Variants in CSMD1 observed in about 807,000 individuals in gnomAD.
The protein encoded by CSMD1 is CUB and sushi domain-containing protein 1.
Under a neutral mutation model 417.5 loss-of-function variants are expected in CSMD1, and 213 were observed. The observed-to-expected ratio is 0.51, with a 90% CI of 0.46 to 0.57. CSMD1 has a LOEUF of 0.57. CSMD1 is among the 20% of genes least tolerant of loss of function. The probability of loss-of-function intolerance (pLI) is 0.00; values close to 1 mark genes in which losing one functional copy is unlikely to be tolerated. For missense variants in CSMD1, 6,923 were observed against 4,529.7 expected (o/e 1.53, Z -15.17); for synonymous variants, 2,862 against 1,736.8 (o/e 1.65, Z -16.11).
intron 10 of CSMD1, among the ~76,000 whole-genome samples, chr8:3,548,733 G>A (rs77466467): frequency 0.013 from 1,939 of 149,992 alleles, 18 homozygotes; most frequent in East Asian, 0.063. Context: ...TTGATTGATA[G>A]GAATTTGGGT....
intron 5 of CSMD1, among the ~76,000 whole-genome samples, chr8:3,863,852 T>G (rs1411637052): frequency 6.6e-6 from 1 of 152,188 alleles, no homozygotes; most frequent in East Asian, 1.9e-4. Flanking sequence ...AGAGTTTAAT[T>G]TCTTCCACTT....
chr8:4,637,399 T>C lies in CSMD1; in HGVS notation c.245A>G (p.Asp82Gly), dbSNP rs748681951. Residue 82 changes from aspartate to glycine, a missense_variant, in exon 2 of 70, where the codon GAT becomes GGT. By Grantham distance (94) the Asp-to-Gly change is moderately conservative (BLOSUM62 -1). Coordinates refer to ENST00000635120, the MANE Select transcript of CSMD1 (RefSeq NM_033225.6). ...ATCGTAAACTGATAAAATATCAAAA[T>C]CTTCTTCAAGAGCAAAGGTATGGAA... ...LSFHTFALEE[D>G]FDILSVYDGQ... 8 of 1,613,920 alleles carry C rather than the reference T, an allele frequency of 5.0e-6. No individual in the cohort carries two copies. The highest frequency in any genetic ancestry group is 1.7e-5 in the Admixed American group (1 of 60,016).
At chr8:4,137,492 A>C (rs1248174809) in intron 3 of CSMD1, among the ~76,000 whole-genome samples, 1 of 132,060 alleles carries the variant, frequency 7.6e-6, no homozygotes, top group Non-Finnish European at 1.8e-5. Context: ...AGAATATAAC[A>C]TTGTTTTTCC....
intron 1 of CSMD1, among the ~76,000 whole-genome samples, chr8:4,984,219 C>G (rs1381150904): frequency 6.6e-6 from 1 of 152,166 alleles, no homozygotes; most frequent in Non-Finnish European, 1.5e-5. Context: ...CATCACAGGA[C>G]TTGAAGGGAA....
At chr8:4,873,634 T>A (rs1460171898) in intron 1 of CSMD1, among the ~76,000 whole-genome samples, 1 of 152,160 alleles carries the variant, frequency 6.6e-6, no homozygotes, top group Non-Finnish European at 1.5e-5. Flanking sequence ...TCAATGTTCA[T>A]TCCTCCATTC....
rs143322405 is a variant in CSMD1, at chr8:3,910,214, G to A, written c.818+87689C>T. 3.6e-4 allele frequency among the ~76,000 whole-genome samples: 55 copies of A among 152,258 alleles called. No individual in the cohort carries two copies. The East Asian group carries it at 9.1e-3, about 25-fold the overall frequency. ...ATAATGCACGGAAAACAATGTTCAT[G>A]CAGTTCAGTGAATTGTGGGGTGGGG... On this transcript the variant is annotated intron_variant, in intron 5 of 69. Transcript: ENST00000635120.
intron 8 of CSMD1, among the ~76,000 whole-genome samples, chr8:3,614,066 G>GTA (rs1244960135): frequency 3.9e-5 from 6 of 152,074 alleles, no homozygotes; most frequent in Non-Finnish European, 8.8e-5. Flanking sequence ...TCTCTGTTAT[G>GTA]TATATATTCG....
chr8:3,684,806 G>A (rs939238921), intron 7 of CSMD1, among the ~76,000 whole-genome samples: 11 of 151,976 alleles, frequency 7.2e-5, no homozygotes, highest in African/African-American at 2.7e-4. Flanking sequence ...CATTCTCCTT[G>A]CTATAGATCA....
chr8:2,956,664 G>A (rs1490729025), intron 63 of CSMD1, among the ~76,000 whole-genome samples: 1 of 151,806 alleles, frequency 6.6e-6, no homozygotes, highest in Non-Finnish European at 1.5e-5. Context: ...CACCATGTTA[G>A]CCAGGATGGT....
intron 6 of CSMD1, among the ~76,000 whole-genome samples, chr8:3,722,012 A>G (rs1802206213): frequency 6.6e-6 from 1 of 152,124 alleles, no homozygotes; most frequent in African/African-American, 2.4e-5. Flanking sequence ...ACATGGGTGG[A>G]GTTGGCACAG....
rs567139192 is a variant in CSMD1, at chr8:3,617,254, T to C, written c.1010-457A>G. ...AATAACATTATGTATATTTTAAACA[T>C]TGAAGTGCTTATCATTGAACTAAAA... On this transcript the variant is annotated intron_variant, in intron 7 of 69. Transcript: ENST00000635120. Among the ~76,000 whole-genome samples, 422 of 152,322 alleles carry C rather than the reference T, an allele frequency of 2.8e-3. 1 individual carries two copies. The highest frequency in any genetic ancestry group is 5.0e-3 in the Non-Finnish European group (340 of 68,022).
intron 20 of CSMD1, 33 bp from the exon 21 acceptor site, chr8:3,359,373 G>A (rs1585049656): frequency 2.0e-6 from 3 of 1,536,984 alleles, no homozygotes; most frequent in African/African-American, 2.8e-5. Flanking sequence ...AAATGCATGA[G>A]GATTTGGGTA....
chr8:4,972,929 G>C (rs778942181), intron 1 of CSMD1, among the ~76,000 whole-genome samples: 1 of 152,090 alleles, frequency 6.6e-6, no homozygotes, highest in East Asian at 1.9e-4. Context: ...TGAAAATACT[G>C]TAAGTTAACT....
intron 2 of CSMD1, among the ~76,000 whole-genome samples, chr8:4,634,813 T>G (rs573544241): frequency 2.4e-4 from 37 of 152,250 alleles, no homozygotes; most frequent in Non-Finnish European, 4.0e-4. Context: ...TCATGTGTTT[T>G]CCCTGACAAC....
At chr8:4,730,229 A>C (rs1274490935) in intron 1 of CSMD1, among the ~76,000 whole-genome samples, 2 of 152,160 alleles carry the variant, frequency 1.3e-5, no homozygotes, top group South Asian at 4.1e-4. Flanking sequence ...AAAACAAAAC[A>C]AAACAAAACA....
intron 5 of CSMD1, among the ~76,000 whole-genome samples, chr8:3,968,804 G>A (rs1004187139): frequency 6.6e-6 from 1 of 152,162 alleles, no homozygotes; most frequent in Non-Finnish European, 1.5e-5. Context: ...AAAATTAACA[G>A]AGAAAACACT....
chr8:3,801,752 A>C (rs983710531), intron 5 of CSMD1, among the ~76,000 whole-genome samples: 5 of 152,178 alleles, frequency 3.3e-5, no homozygotes, highest in Non-Finnish European at 7.3e-5. Flanking sequence ...CTCTGGACAA[A>C]CTAATATAGC....
intron 1 of CSMD1, among the ~76,000 whole-genome samples, chr8:4,771,456 C>T (rs962654995): frequency 7.2e-5 from 11 of 152,216 alleles, no homozygotes; most frequent in African/African-American, 2.7e-4. Flanking sequence ...TTTAAATACA[C>T]ATCCTCCGTG....
At chr8:3,210,744 G>C (rs1384762912) in intron 30 of CSMD1, among the ~76,000 whole-genome samples, 1 of 150,408 alleles carries the variant, frequency 6.6e-6, no homozygotes, top group Non-Finnish European at 1.5e-5. Flanking sequence ...TTTAGCCACA[G>C]AAAAGGTATT....
Sources: gnomAD v4.1 joint callset for allele counts (sites outside exome capture counted in the v4.1 genomes callset) on GRCh38, gnomAD v4.1.1 for gene constraint, MANE v1.5 for transcripts, NCBI Gene and HGNC (gene_info 2026-07-23, HGNC 2026-07-21) for gene names.